NEK7: variants seen among roughly 807,000 people sequenced by gnomAD.
The protein encoded by NEK7 is NIMA related kinase 7, also known as serine/threonine-protein kinase Nek7.
Under a neutral mutation model 44.6 loss-of-function variants are expected in NEK7, and 18 were observed. The ratio of observed to expected loss-of-function variants is 0.40; its 90% CI spans 0.28 to 0.60. The LOEUF is 0.60. NEK7 is among the 20% of genes least tolerant of loss of function. The pLI is 0.38. For synonymous variants in NEK7, 130 were observed against 121.1 expected, an observed-to-expected ratio of 1.07 and a Z score of -0.48; for missense variants, 256 against 366.5, an observed-to-expected ratio of 0.70 and a Z score of 2.46.
At chr1:198,183,981 C>G (rs1664842776) in intron 1 of NEK7, among the ~76,000 whole-genome samples, 1 of 151,970 alleles carries the variant, frequency 6.6e-6, no homozygotes. Flanking sequence ...AGGTGCCTAC[C>G]CTGGGCTTAC....
intron 9 of NEK7, among the ~76,000 whole-genome samples, chr1:198,317,887 T>TA (rs1305124169): frequency 7.6e-5 from 11 of 144,824 alleles, no homozygotes; most frequent in Non-Finnish European, 1.5e-4. Flanking sequence ...ATTTTTTTTT[T>TA]TTTTTTTTTT....
chr1:198,200,389 G>A (rs535356608), intron 1 of NEK7, among the ~76,000 whole-genome samples: 13 of 151,996 alleles, frequency 8.6e-5, no homozygotes, highest in Non-Finnish European at 1.8e-4. Flanking sequence ...ACGAAAACTT[G>A]TTGAGGCTTT....
chr1:198,221,520 T>C (rs1208975397), intron 1 of NEK7, among the ~76,000 whole-genome samples: 1 of 151,752 alleles, frequency 6.6e-6, no homozygotes, highest in Non-Finnish European at 1.5e-5. Flanking sequence ...CTTAAAAACA[T>C]ATTTTTAAGC....
At chr1:198,301,351 C>T (rs982590644) in intron 9 of NEK7, among the ~76,000 whole-genome samples, 4 of 151,828 alleles carry the variant, frequency 2.6e-5, no homozygotes, top group Admixed American at 2.0e-4. Context: ...GAGATCGAGA[C>T]CATCCTGGCT....
intron 1 of NEK7, among the ~76,000 whole-genome samples, chr1:198,203,093 C>T (rs1020478676): frequency 1.3e-5 from 2 of 152,028 alleles, no homozygotes; most frequent in African/African-American, 4.8e-5. Context: ...CATCCTTCCC[C>T]GCTGCCAGTA....
chr1:198,185,190 A>ATTTTTTTTTT (rs919588030), intron 1 of NEK7, among the ~76,000 whole-genome samples: 4 of 83,844 alleles, frequency 4.8e-5, no homozygotes, highest in African/African-American at 9.6e-5. Context: ...CATGCTGTCT[A>ATTTTTTTTTT]TTTTTTTTTT....
intron 2 of NEK7, among the ~76,000 whole-genome samples, chr1:198,234,394 A>T (rs1666489499): frequency 6.6e-6 from 1 of 151,978 alleles, no homozygotes; most frequent in South Asian, 2.1e-4. Context: ...TTAAACATAG[A>T]CCTCTTAGGA....
intron 6 of NEK7, among the ~76,000 whole-genome samples, 192 bp downstream of exon 6, chr1:198,278,261 T>A (rs1284692564): frequency 1.3e-5 from 2 of 149,508 alleles, no homozygotes; most frequent in Non-Finnish European, 1.5e-5. Flanking sequence ...TTAATCTGCT[T>A]GACTCTTTTG....
chr1:198,306,903 G>A (rs546266175), intron 9 of NEK7, among the ~76,000 whole-genome samples: 2 of 152,180 alleles, frequency 1.3e-5, no homozygotes, highest in Admixed American at 1.3e-4. Flanking sequence ...TACCAAGGAA[G>A]ATTACATCAA....
chr1:198,308,482 T>C (rs1655079950), intron 9 of NEK7, among the ~76,000 whole-genome samples: 1 of 152,224 alleles, frequency 6.6e-6, no homozygotes. Context: ...TTACCACTTC[T>C]GTTATCCCAT....
At chr1:198,313,980 GC>G (rs1014499701) in intron 9 of NEK7, among the ~76,000 whole-genome samples, 2 of 151,136 alleles carry the variant, frequency 1.3e-5, no homozygotes, top group Non-Finnish European at 2.9e-5. Context: ...ATGTTGACCT[GC>G]CTTGCTAGAT....
rs987131962 is a variant in NEK7 at position 198,264,239 on chromosome 1, A to G, written c.372+4A>G. 1 of 1,580,912 alleles carries G rather than the reference A, an allele frequency of 6.3e-7. No individual in the cohort carries two copies. Among genetic ancestry groups the G allele is most frequent in the Non-Finnish European group, 8.6e-7 (1 of 1,164,154 alleles). On this transcript the variant is annotated splice_donor_region_variant and intron_variant, in intron 5 of 9. Coordinates refer to ENST00000367385, the MANE Select transcript of NEK7 (RefSeq NM_133494.3). Reference sequence around the variant, plus strand: ...CGACCTATCCAGAATGATCAAGGTAAGTTTTGAAAAAATTGTCTTAATGTT... The same window carrying G: ...CGACCTATCCAGAATGATCAAGGTAGGTTTTGAAAAAATTGTCTTAATGTT...
intron 1 of NEK7, among the ~76,000 whole-genome samples, chr1:198,190,583 G>A (rs1195121738): frequency 2.0e-5 from 3 of 152,028 alleles, no homozygotes; most frequent in Non-Finnish European, 2.9e-5. Flanking sequence ...ACTCTCTAAA[G>A]TCCCTTGTAA....
At chr1:198,250,792 G>A (rs1652927864) in intron 2 of NEK7, among the ~76,000 whole-genome samples, 2 of 146,036 alleles carry the variant, frequency 1.4e-5, no homozygotes, top group Non-Finnish European at 3.0e-5. Flanking sequence ...TGAGACAATG[G>A]GGTTTTCTAG....
At chr1:198,255,461 T>G (rs1653223791) in intron 3 of NEK7, among the ~76,000 whole-genome samples, 1 of 152,000 alleles carries the variant, frequency 6.6e-6, no homozygotes, top group African/African-American at 2.4e-5. Flanking sequence ...TATTTTACAT[T>G]GCAGAACCTT....
intron 2 of NEK7, among the ~76,000 whole-genome samples, chr1:198,249,189 T>C (rs1571570579): frequency 6.6e-6 from 1 of 151,974 alleles, no homozygotes; most frequent in Non-Finnish European, 1.5e-5. Flanking sequence ...TGATTTCCAG[T>C]TTCATCCATG....
At chr1:198,206,565 C>A (rs1028632783) in intron 1 of NEK7, among the ~76,000 whole-genome samples, 37 of 152,104 alleles carry the variant, frequency 2.4e-4, no homozygotes, top group African/African-American at 8.7e-4. Context: ...ATTTTAGTGA[C>A]ACATGCCTGC....
chr1:198,172,122 C>G (rs188161317), intron 1 of NEK7, among the ~76,000 whole-genome samples: 2 of 152,108 alleles, frequency 1.3e-5, no homozygotes, highest in African/African-American at 4.8e-5. Context: ...CAAACAAAAA[C>G]GAGTTAATGA....
intron 1 of NEK7, among the ~76,000 whole-genome samples, chr1:198,162,086 G>A (rs915947385): frequency 1.4e-4 from 22 of 152,166 alleles, no homozygotes; most frequent in Admixed American, 3.3e-4. Context: ...TGTTTGGCCT[G>A]GGGTAGAGGT....
Sources: gnomAD v4.1 joint callset for allele counts (sites outside exome capture counted in the v4.1 genomes callset) on GRCh38, gnomAD v4.1.1 for gene constraint, MANE v1.5 for transcripts, NCBI Gene and HGNC (gene_info 2026-07-23, HGNC 2026-07-21) for gene names.